DISC1: variants seen among roughly 807,000 people sequenced by gnomAD.
DISC1 encodes disrupted in schizophrenia 1 protein.
A neutral mutation model predicts 84.5 loss-of-function variants in DISC1; 57 were observed. The observed-to-expected ratio is 0.67, with a 90% CI of 0.55 to 0.84. DISC1 has a LOEUF of 0.84. DISC1 is among the 40% of genes least tolerant of loss of function. DISC1 has a pLI of 0.00. For missense variants in DISC1, 1,000 were observed against 1,057.8 expected, an observed-to-expected ratio of 0.95 and a Z score of 0.76; for synonymous variants, 411 against 415.2, an observed-to-expected ratio of 0.99 and a Z score of 0.12.
chr1:231,805,230 G>C (rs190030781), intron 8 of DISC1, among the ~76,000 whole-genome samples: 296 of 152,238 alleles, frequency 1.9e-3, no homozygotes, highest in Non-Finnish European at 3.3e-3. Flanking sequence ...GGATAGTTTG[G>C]TTTAAAGCCG....
At chr1:231,641,220 G>C (rs1405457759) in intron 1 of DISC1, among the ~76,000 whole-genome samples, 1 of 152,224 alleles carries the variant, frequency 6.6e-6, no homozygotes, top group Non-Finnish European at 1.5e-5. Flanking sequence ...CTTCAAAAAT[G>C]AAGCCGCGGA....
intron 8 of DISC1, among the ~76,000 whole-genome samples, chr1:231,815,476 C>T (rs574069934): frequency 2.0e-5 from 3 of 152,228 alleles, no homozygotes; most frequent in South Asian, 2.1e-4. Context: ...CGGTGGCTCA[C>T]GCCTGTAATC....
chr1:231,737,956 C>G (rs745444111), intron 3 of DISC1, among the ~76,000 whole-genome samples: 6 of 152,166 alleles, frequency 3.9e-5, no homozygotes, highest in Non-Finnish European at 7.4e-5. Flanking sequence ...CTCCTGGGCT[C>G]AAGCCATCCT....
At chr1:231,686,647 G>A (rs2064317349) in intron 1 of DISC1, among the ~76,000 whole-genome samples, 1 of 152,200 alleles carries the variant, frequency 6.6e-6, no homozygotes, top group Admixed American at 6.5e-5. Context: ...ATGCCGAGGA[G>A]ATGTCTTCCC....
At chr1:231,766,988 T>C in intron 4 of DISC1, 152 bp from the exon 5 acceptor site, 1 of 1,006,816 alleles carries the variant, frequency 9.9e-7, no homozygotes. Flanking sequence ...GAAACTTACA[T>C]TAAGGAGCTC....
At chr1:231,772,766 C>T (rs2076652077) in intron 6 of DISC1, among the ~76,000 whole-genome samples, 1 of 152,318 alleles carries the variant, frequency 6.6e-6, no homozygotes, top group African/African-American at 2.4e-5. Flanking sequence ...CTGTCTTCCA[C>T]ATGTATCACA....
At chr1:231,836,313 G>T (rs974039904) in intron 9 of DISC1, among the ~76,000 whole-genome samples, 2 of 152,106 alleles carry the variant, frequency 1.3e-5, no homozygotes, top group Non-Finnish European at 2.9e-5. Flanking sequence ...TCCTGATGGT[G>T]TCTGTGGCCC....
intron 3 of DISC1, among the ~76,000 whole-genome samples, chr1:231,732,714 T>G (rs1438492361): frequency 6.6e-6 from 1 of 152,240 alleles, no homozygotes; most frequent in Non-Finnish European, 1.5e-5. Context: ...CTTTCTCCAG[T>G]AAGTGCTTTC....
chr1:231,843,309 G>C (rs1040500776), intron 9 of DISC1, among the ~76,000 whole-genome samples: 1 of 152,198 alleles, frequency 6.6e-6, no homozygotes, highest in Non-Finnish European at 1.5e-5. Context: ...CAGTGGGGTG[G>C]AGGAGTGGGG....
Position 231,782,815 on chromosome 1 carries a change from C to T in DISC1, c.1634+11745C>T, listed in dbSNP as rs143265146. On this transcript the variant is annotated intron_variant, in intron 6 of 12. Coordinates refer to ENST00000439617, the MANE Select transcript of DISC1 (RefSeq NM_018662.3). ...AAATTAGCCGGCTGTGGTGGCACGT[C>T]TGTGTAGTTCCAGCTACTCGGGAGG... Among the ~76,000 whole-genome samples the T allele has an allele frequency of 7.5e-3, 1,142 of 151,852 alleles. 8 individuals are homozygous for T. The highest frequency in any genetic ancestry group is 0.026 in the African/African-American group (1,084 of 41,376).
rs2058291297 is a variant in DISC1 at position 231,626,891 on chromosome 1, C to T, written c.24C>T (p.Gly8=). The T allele has an allele frequency of 6.7e-7, 1 of 1,497,876 alleles. No individual in the cohort carries two copies. The highest frequency in any genetic ancestry group is 1.5e-5 in the African/African-American group (1 of 68,624). 92.8% of individuals were successfully genotyped at this position (1,497,876 alleles called of 1,614,324 possible). The change falls in exon 1 of 13, where the codon GGC becomes GGT. Residue 8 remains glycine, a synonymous_variant. Transcript: ENST00000439617. MPGGGPQ[G]APAAAGGGGV... ...GCATGCCAGGCGGGGGTCCTCAGGG[C>T]GCCCCAGCCGCCGCCGGCGGCGGCG...
chr1:231,868,736 T>TATATATA (rs2085246169), intron 9 of DISC1, among the ~76,000 whole-genome samples: 7 of 108,300 alleles, frequency 6.5e-5, no homozygotes, highest in East Asian at 2.6e-4. Context: ...ATATATATAT[T>TATATATA]TAGCTGGGCA....
intron 10 of DISC1, among the ~76,000 whole-genome samples, chr1:231,962,822 G>A (rs535448041): frequency 2.0e-5 from 3 of 152,074 alleles, no homozygotes; most frequent in South Asian, 2.1e-4. Context: ...CCCAATGCAC[G>A]GCCCACCACC....
At chr1:231,739,923 G>A (rs1299414333) in intron 3 of DISC1, among the ~76,000 whole-genome samples, 1 of 152,122 alleles carries the variant, frequency 6.6e-6, no homozygotes, top group East Asian at 1.9e-4. Context: ...CTAAATTCCT[G>A]TGTTGAAACC....
intron 4 of DISC1, among the ~76,000 whole-genome samples, chr1:231,756,825 T>A (rs1215394279): frequency 6.6e-6 from 1 of 152,224 alleles, no homozygotes; most frequent in Non-Finnish European, 1.5e-5. Flanking sequence ...TATTTATGTA[T>A]TATTACCGTA....
At chr1:231,900,661 C>T (rs199664698) in intron 9 of DISC1, among the ~76,000 whole-genome samples, 6 of 152,118 alleles carry the variant, frequency 3.9e-5, no homozygotes, top group South Asian at 2.1e-4. Flanking sequence ...CAAGGAATCA[C>T]TTACTCTTCT....
chr1:231,659,365 C>T (rs1284056766), intron 1 of DISC1, among the ~76,000 whole-genome samples: 3 of 152,014 alleles, frequency 2.0e-5, no homozygotes, highest in Admixed American at 6.5e-5. Context: ...TTTGATTCTT[C>T]TCTCTTTTCC....
chr1:231,659,421 A>C (rs1414680423), intron 1 of DISC1, among the ~76,000 whole-genome samples: 1 of 151,948 alleles, frequency 6.6e-6, no homozygotes, highest in African/African-American at 2.4e-5. Context: ...TTTTTTCAAA[A>C]AACCAGTTTC....
At chr1:231,921,073 A>T (rs866058131) in intron 9 of DISC1, among the ~76,000 whole-genome samples, 2 of 142,192 alleles carry the variant, frequency 1.4e-5, no homozygotes, top group African/African-American at 5.1e-5. Flanking sequence ...AGCCTGGCTA[A>T]TTTTTTTTTT....
Sources: gnomAD v4.1 joint callset for allele counts (sites outside exome capture counted in the v4.1 genomes callset) on GRCh38, gnomAD v4.1.1 for gene constraint, MANE v1.5 for transcripts, NCBI Gene and HGNC (gene_info 2026-07-23, HGNC 2026-07-21) for gene names.